The following TENT5C variants were observed in gnomAD, a reference collection of about 807,000 sequenced individuals.
TENT5C encodes the protein terminal nucleotidyltransferase 5C.
Under a neutral mutation model 22.2 loss-of-function variants are expected in TENT5C, and 5 were observed. The observed-to-expected ratio is 0.22, with a 90% CI of 0.12 to 0.47. The LOEUF is 0.47. Ranked by LOEUF, TENT5C falls within the 20% of genes least tolerant of loss-of-function variation. The pLI, the probability that TENT5C is intolerant of heterozygous loss-of-function variation, is 0.99. For missense variants in TENT5C, 364 were observed against 500.9 expected (o/e 0.73, Z 2.61); for synonymous variants, 199 against 195.4 (o/e 1.02, Z -0.15).
At chr1:117,618,587 A>AT (rs1376072186) in intron 1 of TENT5C, among the ~76,000 whole-genome samples, 1 of 147,680 alleles carries the variant, frequency 6.8e-6, no homozygotes, top group East Asian at 2.2e-4. Context: ...AGAATGTGGA[A>AT]TGTAGAGAGG....
chr1:117,607,325 C>T (rs2101070864), intron 1 of TENT5C, among the ~76,000 whole-genome samples: 1 of 152,278 alleles, frequency 6.6e-6, no homozygotes, highest in South Asian at 2.1e-4. Context: ...CTAACCAGTT[C>T]CCTGGCTTAA....
chr1:117,624,676 A>G lies in TENT5C; in HGVS notation c.*632A>G, dbSNP rs1653972879. ...ATTGAGATCTGGTTGAAAGTGGTTTATGGTTTACATGCTGTACTATCCTGA... is the reference window on the plus strand; with the variant it reads ...ATTGAGATCTGGTTGAAAGTGGTTTGTGGTTTACATGCTGTACTATCCTGA... On this transcript the variant is annotated 3_prime_UTR_variant, in exon 2 of 2. Transcript: ENST00000369448. 4.0e-6 allele frequency: 1 copy of G among 248,102 alleles called. No homozygotes were observed. The highest frequency in any genetic ancestry group is 8.5e-6 in the Non-Finnish European group (1 of 118,228). 15.4% of individuals were successfully genotyped at this position (248,102 alleles called of 1,614,324 possible). A position where few individuals can be genotyped will look rare whatever the true frequency, so the allele number is the denominator to read the frequency against.
At chr1:117,610,608 A>T (rs866737402) in intron 1 of TENT5C, among the ~76,000 whole-genome samples, 1 of 152,040 alleles carries the variant, frequency 6.6e-6, no homozygotes, top group Non-Finnish European at 1.5e-5. Context: ...GCTCACTGCA[A>T]CCTCCACCTC....
intron 1 of TENT5C, among the ~76,000 whole-genome samples, chr1:117,615,472 T>C (rs1653761366): frequency 6.6e-6 from 1 of 152,246 alleles, no homozygotes; most frequent in South Asian, 2.1e-4. Flanking sequence ...AAATGATTGA[T>C]CCAGGTAGAG....
chr1:117,625,189 T>G lies in TENT5C; in HGVS notation c.*1145T>G, dbSNP rs775963518. ...ATTCAGGAATTTCGGTAGAACTGAG[T>G]GACCTGTGGAACTGCTTTAGAATCT... On this transcript the variant is annotated 3_prime_UTR_variant, in exon 2 of 2. Transcript: ENST00000369448. 1.2e-5 allele frequency: 3 copies of G among 247,656 alleles called. No homozygotes were observed. Among genetic ancestry groups the G allele is most frequent in the African/African-American group, 6.6e-5 (3 of 45,168 alleles). 15.3% of individuals were successfully genotyped at this position (247,656 alleles called of 1,614,324 possible). A position where few individuals can be genotyped will look rare whatever the true frequency, so the allele number is the denominator to read the frequency against.
chr1:117,613,983 A>C (rs1384541209), intron 1 of TENT5C, among the ~76,000 whole-genome samples: 1 of 152,218 alleles, frequency 6.6e-6, no homozygotes, highest in Non-Finnish European at 1.5e-5. Context: ...TTGGCCTTTT[A>C]AAAAGTAAAG....
At position 117,627,736 on chromosome 1, in the gene TENT5C, A is replaced by G. The variant is rs1173790480; in HGVS notation, c.*3692A>G. 8.1e-6 allele frequency: 2 copies of G among 247,094 alleles called. No individual in the cohort carries two copies. The highest frequency in any genetic ancestry group is 1.7e-5 in the Non-Finnish European group (2 of 117,676). 15.3% of individuals were successfully genotyped at this position (247,094 alleles called of 1,614,324 possible). A position where few individuals can be genotyped will look rare whatever the true frequency, so the allele number is the denominator to read the frequency against. ...TTCAACCAGTTAAAATCAGAGGACC[A>G]AGTCGTGGGGGAGGGGGGCGGTGTT... On this transcript the variant is annotated 3_prime_UTR_variant, in exon 2 of 2. Transcript: ENST00000369448.
At chr1:117,620,166 A>G (rs948829553) in intron 1 of TENT5C, among the ~76,000 whole-genome samples, 6 of 152,192 alleles carry the variant, frequency 3.9e-5, no homozygotes, top group African/African-American at 1.2e-4. Flanking sequence ...AATGTTCAGA[A>G]CCACCATTGT....
At chr1:117,610,306 C>T (rs1357457419) in intron 1 of TENT5C, among the ~76,000 whole-genome samples, 2 of 152,058 alleles carry the variant, frequency 1.3e-5, no homozygotes, top group African/African-American at 4.8e-5. Flanking sequence ...AAGACCGTGC[C>T]TTTCTGACTC....
chr1:117,620,381 C>G (rs978837548), intron 1 of TENT5C, among the ~76,000 whole-genome samples: 2 of 152,160 alleles, frequency 1.3e-5, no homozygotes, highest in Non-Finnish European at 2.9e-5. Flanking sequence ...ACTTCTCATG[C>G]CTGTGTCATA....
intron 1 of TENT5C, among the ~76,000 whole-genome samples, chr1:117,610,265 C>T (rs1347561967): frequency 6.6e-6 from 1 of 152,072 alleles, no homozygotes; most frequent in African/African-American, 2.4e-5. Context: ...ACAGGGACTG[C>T]CTGCACCTCT....
In TENT5C at chr1:117,626,408, T is replaced by G. The variant is rs1327937061; in HGVS notation, c.*2364T>G. 8.1e-6 allele frequency: 2 copies of G among 247,814 alleles called. No individual in the cohort carries two copies. Among genetic ancestry groups the G allele is most frequent in the Non-Finnish European group, 1.7e-5 (2 of 117,976 alleles). The allele number at this position is 247,814 out of a possible 1,614,324, so 15.4% of individuals were successfully genotyped here. On this transcript the variant is annotated 3_prime_UTR_variant, in exon 2 of 2. Coordinates refer to ENST00000369448, the MANE Select transcript of TENT5C (RefSeq NM_017709.4). ...TGCACCATGGTTGTCTCGGAGTCCC[T>G]TCACCTGACCTTTTTAGTCAGCTCA...
Position 117,626,887 on chromosome 1 carries a change from T to A in TENT5C, c.*2843T>A, listed in dbSNP as rs13373785. 0.023 allele frequency: 5,809 copies of A among 248,170 alleles called. 311 individuals carry two copies. Among genetic ancestry groups the A allele is most frequent in the African/African-American group, 0.12 (5,359 of 45,438 alleles). The allele number at this position is 248,170 out of a possible 1,614,324, so 15.4% of individuals were successfully genotyped here. The stretch of plus-strand genomic sequence containing the variant: ...CCTAGCCTGCTGCTTGGAGTCAGGT[T>A]GAGCATCAGTGAGATGAAGACAGTA... On this transcript the variant is annotated 3_prime_UTR_variant, in exon 2 of 2. Coordinates refer to ENST00000369448, the MANE Select transcript of TENT5C (RefSeq NM_017709.4).
intron 1 of TENT5C, among the ~76,000 whole-genome samples, chr1:117,621,242 C>T (rs955497500): frequency 2.6e-5 from 4 of 152,156 alleles, no homozygotes; most frequent in Non-Finnish European, 4.4e-5. Flanking sequence ...GCTGTGATCA[C>T]ATACTCAGCC....
intron 1 of TENT5C, among the ~76,000 whole-genome samples, chr1:117,618,543 T>G (rs1191538648): frequency 6.6e-6 from 1 of 151,964 alleles, no homozygotes; most frequent in African/African-American, 2.4e-5. Context: ...AGCTTCCAAG[T>G]GTACTTAATT....
intron 1 of TENT5C, among the ~76,000 whole-genome samples, chr1:117,606,965 G>A (rs1242865402): frequency 6.6e-6 from 1 of 152,168 alleles, no homozygotes; most frequent in Non-Finnish European, 1.5e-5. Context: ...GAAAAGCCAC[G>A]GCAAGTGGGT....
At chr1:117,615,736 G>A (rs750240091) in intron 1 of TENT5C, among the ~76,000 whole-genome samples, 3 of 152,204 alleles carry the variant, frequency 2.0e-5, no homozygotes, top group Non-Finnish European at 4.4e-5. Flanking sequence ...ACACACTATG[G>A]CAATATATTG....
chr1:117,627,859 TG>T lies in TENT5C; in HGVS notation c.*3816del. On this transcript the variant is annotated 3_prime_UTR_variant, in exon 2 of 2. Coordinates refer to ENST00000369448, the MANE Select transcript of TENT5C (RefSeq NM_017709.4). ...AAATAAAAGACTGTGTGTGTGTGTG[TG>T]TGTGCGTGTGTGTGTTCAAGTGCCT... 8.1e-6 allele frequency: 2 copies of T among 247,856 alleles called. No homozygotes were observed. Among genetic ancestry groups the T allele is most frequent in the Admixed American group, 1.1e-4 (2 of 17,778 alleles). 15.4% of individuals were successfully genotyped at this position (247,856 alleles called of 1,614,324 possible). A position where few individuals can be genotyped will look rare whatever the true frequency, so the allele number is the denominator to read the frequency against.
At position 117,625,357 on chromosome 1, in the gene TENT5C, C is replaced by G. The variant is rs1314985951; in HGVS notation, c.*1313C>G. ...AATTGAGTGAATGAGAATGCTCTTC[C>G]TTATTCTGGTAGATTTGACTTGTTT... On this transcript the variant is annotated 3_prime_UTR_variant, in exon 2 of 2. Transcript: ENST00000369448. 2 of 247,980 alleles carry G rather than the reference C, an allele frequency of 8.1e-6. No homozygotes were observed. The highest frequency in any genetic ancestry group is 1.7e-5 in the Non-Finnish European group (2 of 118,136). 15.4% of individuals were successfully genotyped at this position (247,980 alleles called of 1,614,324 possible).
Sources: allele counts gnomAD v4.1 joint callset (sites outside exome capture counted in the v4.1 genomes callset), GRCh38; gene constraint gnomAD v4.1.1; transcripts MANE v1.5; gene names NCBI Gene and HGNC (gene_info 2026-07-23, HGNC 2026-07-21).